The following TBL3 variants were observed in gnomAD, a reference collection of about 807,000 sequenced individuals.
TBL3 encodes the protein transducin beta-like protein 3.
A neutral mutation model predicts 102.7 loss-of-function variants in TBL3; 71 were observed. The ratio of observed to expected loss-of-function variants is 0.69; its 90% confidence interval spans 0.57 to 0.84. TBL3 has a LOEUF of 0.84. TBL3 is among the 40% of genes least tolerant of loss of function. The pLI is 0.00. For synonymous variants in TBL3, 578 were observed against 477.7 expected (o/e 1.21, Z -2.74); for missense variants, 1,188 against 1,098.5 (o/e 1.08, Z -1.15).
chr16:1,978,748 G>T lies in TBL3; in HGVS notation c.*63G>T. ...GAAAACCCATAAAGGCCGCTCTCCTGGCCGGCTCTGTCTCTCTGGACTGCA... is the reference window on the plus strand; with the variant it reads ...GAAAACCCATAAAGGCCGCTCTCCTTGCCGGCTCTGTCTCTCTGGACTGCA... On this transcript the variant is annotated 3_prime_UTR_variant, in exon 22 of 22. Coordinates refer to ENST00000568546, the MANE Select transcript of TBL3 (RefSeq NM_006453.3). 6.4e-7 allele frequency: 1 copy of T among 1,563,936 alleles called. No homozygotes were observed. Among genetic ancestry groups the T allele is most frequent in the South Asian group, 1.2e-5 (1 of 86,070 alleles).
chr16:1,979,192 C>A lies in TBL3; in HGVS notation c.*507C>A. 1 of 1,274,150 alleles carries A rather than the reference C, an allele frequency of 7.8e-7. No homozygotes were observed. 78.9% of individuals were successfully genotyped at this position (1,274,150 alleles called of 1,614,324 possible). On this transcript the variant is annotated 3_prime_UTR_variant, in exon 22 of 22. Coordinates refer to ENST00000568546, the MANE Select transcript of TBL3 (RefSeq NM_006453.3). ...GCGCCCGGCGAAGGTCGGGTGGGCA[C>A]GGTGGGGGGAGGGGCGGTGGCCTGG...
Position 1,975,711 on chromosome 16 carries a change from G to A in TBL3, c.987+1G>A. 1 of 1,612,208 alleles carries A rather than the reference G, an allele frequency of 6.2e-7. No individual in the cohort carries two copies. The highest frequency in any genetic ancestry group is 8.5e-7 in the Non-Finnish European group (1 of 1,179,334). ...TCGCTCCCTGCGGCTGCAGAAACAG[G>A]TGCACACCTGCCCTTGCTCAGTCTG... On this transcript the variant is annotated splice_donor_variant, in intron 10 of 21. Transcript: ENST00000568546. LOFTEE classifies it high-confidence loss of function.
rs780727906 is a variant in TBL3, at chr16:1,974,422, A to T, written c.236A>T (p.Glu79Val). ...GCCTTTGACCTCAGCCCTGACAACG[A>T]GGTATGTGGGGCGGGGCCTGGAGGG... ...ITAFDLSPDNEVLVTASRALL... is the reference protein window; with the variant it reads ...ITAFDLSPDNVVLVTASRALL... The change falls in exon 4 of 22, where the codon GAG becomes GTG. Residue 79 changes from glutamate to valine, a missense_variant and splice_region_variant. Transcript: ENST00000568546. 7 of 1,608,640 alleles carry T rather than the reference A, an allele frequency of 4.4e-6. No homozygotes were observed. In the Admixed American group the frequency reaches 6.7e-5, roughly 16 times the overall value.
chr16:1,978,317 C>T lies in TBL3; in HGVS notation c.2139C>T (p.Ala713=), dbSNP rs1349618547. 1 of 1,609,712 alleles carries T rather than the reference C, an allele frequency of 6.2e-7. No individual in the cohort carries two copies. Among genetic ancestry groups the T allele is most frequent in the South Asian group, 1.1e-5 (1 of 90,682 alleles). The change falls in exon 21 of 22, where the codon GCC becomes GCT. Residue 713 remains alanine (A), a synonymous_variant. Coordinates refer to ENST00000568546, the MANE Select transcript of TBL3 (RefSeq NM_006453.3). The part of the protein sequence containing the change: ...MLRLRRDQKE[A]LLRFCVTWNT... ...TGAGGGTCCTGTTGCCCACAGAGGC[C>T]CTGCTGCGCTTCTGCGTCACGTGGA...
At position 1,975,794 on chromosome 16, in the gene TBL3, CT is replaced by C; in HGVS notation, c.988-13del. 6.2e-7 allele frequency: 1 copy of C among 1,614,134 alleles called. No individual in the cohort carries two copies. Among genetic ancestry groups the C allele is most frequent in the Non-Finnish European group, 8.5e-7 (1 of 1,180,026 alleles). On this transcript the variant is annotated splice_polypyrimidine_tract_variant and intron_variant, in intron 10 of 21. Coordinates refer to ENST00000568546, the MANE Select transcript of TBL3 (RefSeq NM_006453.3). ...GGTCCTGGCTCACATCTCCTGCTCC[CT>C]GCCACCCCGCAGTTCGCTGGCTACA...
At position 1,979,215 on chromosome 16, in the gene TBL3, T is replaced by C; in HGVS notation, c.*530T>C. On this transcript the variant is annotated 3_prime_UTR_variant, in exon 22 of 22. Coordinates refer to ENST00000568546, the MANE Select transcript of TBL3 (RefSeq NM_006453.3). ...CACGGTGGGGGGAGGGGCGGTGGCC[T>C]GGGAGGGTTCAGGGAAGCCCCGGGC... 1 of 1,477,852 alleles carries C rather than the reference T, an allele frequency of 6.8e-7. No homozygotes were observed. The highest frequency in any genetic ancestry group is 8.9e-7 in the Non-Finnish European group (1 of 1,121,478). The allele number at this position is 1,477,852 out of a possible 1,614,324, so 91.5% of individuals were successfully genotyped here. A position where few individuals can be genotyped will look rare whatever the true frequency, so the allele number is the denominator to read the frequency against.
At chr16:1,976,453 A>AACAGG in intron 13 of TBL3, 139 bp downstream of exon 13, 1 of 751,840 alleles carries the variant, frequency 1.3e-6, no homozygotes, top group Admixed American at 2.3e-5. Context: ...TGTGGAACAG[A>AACAGG]ACAGGACAGG....
intron 1 of TBL3, among the ~76,000 whole-genome samples, chr16:1,973,452 T>C (rs2083375149): frequency 6.6e-6 from 1 of 151,104 alleles, no homozygotes; most frequent in Admixed American, 6.6e-5. Flanking sequence ...AAAAAATAAA[T>C]AAGTAAAAAG....
Position 1,982,116 on chromosome 16 carries a change from C to T in TBL3, c.*3431C>T, listed in dbSNP as rs2083518017. On this transcript the variant is annotated 3_prime_UTR_variant, in exon 22 of 22. Coordinates refer to ENST00000568546, the MANE Select transcript of TBL3 (RefSeq NM_006453.3). ...TGGCACACAGTGGTTTTTCCTCGTG[C>T]TGGGGCCACCAGTTCTGTGTTGGGA... The T allele has an allele frequency of 6.6e-6, 1 of 152,220 alleles. No homozygotes were observed. The highest frequency in any genetic ancestry group is 1.5e-5 in the Non-Finnish European group (1 of 68,060). 9.4% of individuals were successfully genotyped at this position (152,220 alleles called of 1,614,324 possible). A position where few individuals can be genotyped will look rare whatever the true frequency, so the allele number is the denominator to read the frequency against.
Position 1,978,319 on chromosome 16 carries a change from T to C in TBL3, c.2141T>C (p.Leu714Pro). 1 of 1,609,974 alleles carries C rather than the reference T, an allele frequency of 6.2e-7. No individual in the cohort carries two copies. The highest frequency in any genetic ancestry group is 8.5e-7 in the Non-Finnish European group (1 of 1,178,134). Residue 714 changes from leucine (L) to proline (P), a missense_variant, in exon 21 of 22, where the codon CTG becomes CCG. Transcript: ENST00000568546. ...AGGGTCCTGTTGCCCACAGAGGCCC[T>C]GCTGCGCTTCTGCGTCACGTGGAAC... is the stretch of plus-strand genomic sequence containing the variant. ...LRLRRDQKEA[L>P]LRFCVTWNTN...
chr16:1,981,015 A>G lies in TBL3; in HGVS notation c.*2330A>G. The G allele has an allele frequency of 1.9e-6, 3 of 1,613,252 alleles. No individual in the cohort carries two copies. The highest frequency in any genetic ancestry group is 2.5e-6 in the Non-Finnish European group (3 of 1,179,912). On this transcript the variant is annotated 3_prime_UTR_variant, in exon 22 of 22. Transcript: ENST00000568546. ...GTCTGACCAGCGCACAGAGAAGGCA[A>G]ACGTCTGGGGGACAAAAAGTTGGGA...
Position 1,979,391 on chromosome 16 carries a change from C to G in TBL3, c.*706C>G. On this transcript the variant is annotated 3_prime_UTR_variant, in exon 22 of 22. Coordinates refer to ENST00000568546, the MANE Select transcript of TBL3 (RefSeq NM_006453.3). ...GTGGTTAGGGCCCCGCCCGCCTCGG[C>G]TAGCCTGCCCTGCCCACGCCCGCTC... The G allele has an allele frequency of 6.3e-7, 1 of 1,597,102 alleles. No individual in the cohort carries two copies. Among genetic ancestry groups the G allele is most frequent in the Non-Finnish European group, 8.5e-7 (1 of 1,176,244 alleles).
intron 7 of TBL3, 25 bp from the exon 8 acceptor site, chr16:1,975,162 C>G: frequency 6.2e-7 from 1 of 1,613,716 alleles, no homozygotes; most frequent in Admixed American, 1.7e-5. Context: ...TAAGACTTGA[C>G]CTGAGGTTGC....
chr16:1,980,324 C>A lies in TBL3; in HGVS notation c.*1639C>A, dbSNP rs1389841097. On this transcript the variant is annotated 3_prime_UTR_variant, in exon 22 of 22. Transcript: ENST00000568546. ...CCCCCACCCTGGACCTCTCCCAGCT[C>A]CAAACGCCGCTGCATGCTGGGAGTT... is the stretch of plus-strand genomic sequence containing the variant. 7.6e-6 allele frequency: 12 copies of A among 1,578,002 alleles called. No homozygotes were observed. The East Asian group carries it at 2.7e-4, about 35-fold the overall frequency.
chr16:1,979,418 C>T lies in TBL3; in HGVS notation c.*733C>T, dbSNP rs776669047. 1.2e-6 allele frequency: 2 copies of T among 1,606,186 alleles called. No homozygotes were observed. Among genetic ancestry groups the T allele is most frequent in the Non-Finnish European group, 1.7e-6 (2 of 1,178,466 alleles). The stretch of plus-strand genomic sequence containing the variant: ...AGCCTGCCCTGCCCACGCCCGCTCC[C>T]GCGTACCTGCATAGCCACCAGCCGC... On this transcript the variant is annotated 3_prime_UTR_variant, in exon 22 of 22. Coordinates refer to ENST00000568546, the MANE Select transcript of TBL3 (RefSeq NM_006453.3).
Position 1,978,709 on chromosome 16 carries a change from A to G in TBL3, c.*24A>G, listed in dbSNP as rs373413890. 1.9e-5 allele frequency: 31 copies of G among 1,592,640 alleles called. No individual in the cohort carries two copies. Among genetic ancestry groups the G allele is most frequent in the Non-Finnish European group, 2.5e-5 (29 of 1,165,006 alleles). On this transcript the variant is annotated 3_prime_UTR_variant, in exon 22 of 22. Transcript: ENST00000568546. ...AGCCGGTCCGGCCTCTCTCCAGTCC[A>G]TCCTGAACCCCTGGAAAACCCATAA... is the stretch of plus-strand genomic sequence containing the variant.
Position 1,980,074 on chromosome 16 carries a change from C to T in TBL3, c.*1389C>T, listed in dbSNP as rs964048366. On this transcript the variant is annotated 3_prime_UTR_variant, in exon 22 of 22. Transcript: ENST00000568546. Reference sequence around the variant, plus strand: ...AGGCCTATCCCGCGTGTCCTGGGTACAGAAGGGCTGCAGGCAGCGCAGGCT... The same window carrying T: ...AGGCCTATCCCGCGTGTCCTGGGTATAGAAGGGCTGCAGGCAGCGCAGGCT... The T allele has an allele frequency of 2.5e-6, 4 of 1,607,826 alleles. No individual in the cohort carries two copies. The Admixed American group carries it at 5.1e-5, about 20-fold the overall frequency.
intron 1 of TBL3, 50 bp downstream of exon 1, chr16:1,972,255 C>T (rs1196169217): frequency 7.7e-7 from 1 of 1,300,476 alleles, no homozygotes; most frequent in Non-Finnish European, 9.9e-7. Flanking sequence ...GGTTTGCAGC[C>T]GGCATAGCGG....
At position 1,977,685 on chromosome 16, in the gene TBL3, G is replaced by A. The variant is rs1216433755; in HGVS notation, c.1899+15G>A. ...TCCTCTGGAAGGTTGTGGGCCCCAA[G>A]GGCAGGGAAGAGTCGGGGTGGAGTG... is the stretch of plus-strand genomic sequence containing the variant. On this transcript the variant is annotated intron_variant, in intron 17 of 21. Coordinates refer to ENST00000568546, the MANE Select transcript of TBL3 (RefSeq NM_006453.3). 1.9e-6 allele frequency: 3 copies of A among 1,551,800 alleles called. No homozygotes were observed. The highest frequency in any genetic ancestry group is 1.4e-5 in the African/African-American group (1 of 73,082).
Sources: gnomAD v4.1 joint callset for allele counts (sites outside exome capture counted in the v4.1 genomes callset) on GRCh38, gnomAD v4.1.1 for gene constraint, MANE v1.5 for transcripts, NCBI Gene and HGNC (gene_info 2026-07-23, HGNC 2026-07-21) for gene names.